CYP2R1: variants seen among roughly 807,000 people sequenced by gnomAD.
CYP2R1 encodes vitamin D 25-hydroxylase.
A neutral mutation model predicts 45.7 loss-of-function variants in CYP2R1; 40 were observed. That is an observed-to-expected ratio of 0.87 (90% CI 0.68 to 1.14). The LOEUF (loss-of-function observed/expected upper bound fraction) is 1.14. CYP2R1 is among the 50% of genes most tolerant of loss of function. CYP2R1 has a pLI of 0.00. For synonymous variants in CYP2R1, 234 were observed against 219.3 expected, an observed-to-expected ratio of 1.07 and a Z score of -0.59; for missense variants, 605 against 602.6, an observed-to-expected ratio of 1.00 and a Z score of -0.04.
chr11:14,888,405 G>A (rs1349605094), intron 1 of CYP2R1, among the ~76,000 whole-genome samples: 1 of 152,176 alleles, frequency 6.6e-6, no homozygotes, highest in Non-Finnish European at 1.5e-5. Context: ...TGGGCTAAAT[G>A]CTAATAACAG....
chr11:14,880,585 G>A lies in CYP2R1; in HGVS notation c.551C>T (p.Thr184Met), dbSNP rs781970760. The A allele has an allele frequency of 1.6e-5, 26 of 1,612,888 alleles. No individual in the cohort carries two copies. The highest frequency in any genetic ancestry group is 1.1e-4 in the South Asian group (10 of 91,054). ...ATTGGTTATGTTTGAAACAGCATTCGTTATTAACTGTTTAAAGTCAAAAGG... is the reference window on the plus strand; with the variant it reads ...ATTGGTTATGTTTGAAACAGCATTCATTATTAACTGTTTAAAGTCAAAAGG... ...GRPFDFKQLI[T>M]NAVSNITNLI... Residue 184 changes from threonine to methionine, a missense_variant, in exon 3 of 5, where the codon ACG becomes ATG. Transcript: ENST00000334636.
intron 2 of CYP2R1, 75 bp from the exon 3 acceptor site, chr11:14,880,843 T>C: frequency 7.1e-7 from 1 of 1,409,072 alleles, no homozygotes; most frequent in Admixed American, 2.3e-5. Context: ...CAAAATTTTT[T>C]TAATGGATGG....
At position 14,878,285 on chromosome 11, in the gene CYP2R1, CAA is replaced by C. The variant is rs1555010412; in HGVS notation, c.1341_1342del (p.His447GlnfsTer29). The C allele has an allele frequency of 6.2e-7, 1 of 1,612,892 alleles. No homozygotes were observed. Among genetic ancestry groups the C allele is most frequent in the Admixed American group, 1.7e-5 (1 of 59,818 alleles). ...CATCCGAGCCAAGTGTTCTCCAAGA[CAA>C]TGTCTTCTTCCTAAACAGAAAAAGC... On this transcript the variant is annotated frameshift_variant, in exon 5 of 5. Coordinates refer to ENST00000334636, the MANE Select transcript of CYP2R1 (RefSeq NM_024514.5). LOFTEE classifies it high-confidence loss of function.
In CYP2R1 at chr11:14,878,080, G is replaced by T; in HGVS notation, c.*42C>A. ...TTGATTAAACCAAGTTCAGGGATAA[G>T]GCAAATATACATTCTTGTTCCCGAA... On this transcript the variant is annotated 3_prime_UTR_variant, in exon 5 of 5. Coordinates refer to ENST00000334636, the MANE Select transcript of CYP2R1 (RefSeq NM_024514.5). The T allele has an allele frequency of 6.2e-7, 1 of 1,604,402 alleles. No individual in the cohort carries two copies.
intron 3 of CYP2R1, 94 bp from the exon 4 acceptor site, chr11:14,879,537 C>G: frequency 1.0e-6 from 1 of 958,664 alleles, no homozygotes; most frequent in Non-Finnish European, 1.6e-6. Context: ...TAACCTATAA[C>G]AAGCCAATAG....
intron 1 of CYP2R1, 66 bp downstream of exon 1, chr11:14,891,915 G>A: frequency 6.4e-7 from 1 of 1,560,680 alleles, no homozygotes; most frequent in South Asian, 1.2e-5. Flanking sequence ...AGTCCAACCA[G>A]GAAGGCCCTG....
chr11:14,891,906 G>T, intron 1 of CYP2R1, 75 bp downstream of exon 1: 2 of 1,540,582 alleles, frequency 1.3e-6, no homozygotes, highest in Non-Finnish European at 1.8e-6. Context: ...GCGGCCATAA[G>T]TCCAACCAGG....
At chr11:14,882,980 T>C (rs1342145670) in intron 2 of CYP2R1, among the ~76,000 whole-genome samples, 2 of 152,102 alleles carry the variant, frequency 1.3e-5, no homozygotes, top group African/African-American at 4.8e-5. Flanking sequence ...TTACAAGGGA[T>C]GTGAAGGACC....
In CYP2R1 at chr11:14,885,758, A is replaced by T. The variant is rs1555014202; in HGVS notation, c.367+18T>A. 1.2e-6 allele frequency: 2 copies of T among 1,610,412 alleles called. No individual in the cohort carries two copies. Among genetic ancestry groups the T allele is most frequent in the Non-Finnish European group, 8.5e-7 (1 of 1,178,406 alleles). ...AAAATATCTTAGTAAATCACTAAAT[A>T]GGTGCAAATAAACATACCTCCCATT... On this transcript the variant is annotated intron_variant, in intron 2 of 4. Coordinates refer to ENST00000334636, the MANE Select transcript of CYP2R1 (RefSeq NM_024514.5).
intron 3 of CYP2R1, among the ~76,000 whole-genome samples, chr11:14,879,723 C>T (rs956762376): frequency 6.6e-6 from 1 of 152,036 alleles, no homozygotes. Context: ...GAAATATATG[C>T]TATATATCTT....
At chr11:14,878,572 A>G (rs1439838651) in intron 4 of CYP2R1, among the ~76,000 whole-genome samples, 2 of 152,130 alleles carry the variant, frequency 1.3e-5, no homozygotes, top group Non-Finnish European at 2.9e-5. Context: ...AGCCTAAGAT[A>G]TGCCACAAAA....
rs1555010475 is a variant in CYP2R1, at chr11:14,878,321, T to C, written c.1331-24A>G. On this transcript the variant is annotated intron_variant, in intron 4 of 4. Coordinates refer to ENST00000334636, the MANE Select transcript of CYP2R1 (RefSeq NM_024514.5). ...TCCTAAACAGAAAAAGCAGATACAA[T>C]AATTTTTTAAACCCACAATCTTTAC... The C allele has an allele frequency of 1.9e-6, 3 of 1,610,198 alleles. No homozygotes were observed. In the South Asian group the frequency reaches 3.3e-5, roughly 18 times the overall value.
chr11:14,884,357 A>T (rs1848520711), intron 2 of CYP2R1, among the ~76,000 whole-genome samples: 1 of 152,082 alleles, frequency 6.6e-6, no homozygotes, highest in Non-Finnish European at 1.5e-5. Context: ...AGCCATAAAA[A>T]ATAATGAGTT....
Position 14,879,192 on chromosome 11 carries a change from C to T in CYP2R1, c.1252G>A (p.Glu418Lys). 6.2e-7 allele frequency: 1 copy of T among 1,613,300 alleles called. No individual in the cohort carries two copies. Among genetic ancestry groups the T allele is most frequent in the South Asian group, 1.1e-5 (1 of 91,060 alleles). Residue 418 changes from glutamate (E) to lysine (K), a missense_variant, in exon 4 of 5, where the codon GAA becomes AAA. Glu to Lys is a moderately conservative substitution (Grantham distance 56). Transcript: ENST00000334636. ...HFDEKYWRDP[E>K]VFHPERFLDS... ...AGAAATCGCTCAGGATGGAACACTT[C>T]TGGGTCTCTCCAGTACTTTTCATCA...
In CYP2R1 at chr11:14,887,670, C is replaced by T. The variant is rs1486039041; in HGVS notation, c.226-1753G>A. The stretch of plus-strand genomic sequence containing the variant: ...ATGATCTTCAAGTCTCTTTCCCTCA[C>T]CCAAACCAGCCCTACTCATAATTTT... On this transcript the variant is annotated intron_variant, in intron 1 of 4. Transcript: ENST00000334636. 3.0e-6 allele frequency: 3 copies of T among 983,776 alleles called. No individual in the cohort carries two copies. In the African/African-American group the frequency reaches 5.2e-5, roughly 17 times the overall value. The allele number at this position is 983,776 out of a possible 1,614,324, so 60.9% of individuals were successfully genotyped here.
chr11:14,891,006 A>C, intron 1 of CYP2R1: 1 of 985,254 alleles, frequency 1.0e-6, no homozygotes, highest in Non-Finnish European at 1.2e-6. Flanking sequence ...TCATCTGCCA[A>C]CTCCTTAAAA....
chr11:14,892,197 C>T lies in CYP2R1; in HGVS notation c.9G>A (p.Lys3=), dbSNP rs782650289. Residue 3 remains lysine (K), a synonymous_variant, in exon 1 of 5, where the codon AAG becomes AAA. Transcript: ENST00000334636. MW[K]LWRAEEGAAA... Reference sequence around the variant, plus strand: ...CCGCGCCCTCTTCAGCTCTCCAAAGCTTCCACATCGGCCCGAGCTGGAGGT... The same window carrying T: ...CCGCGCCCTCTTCAGCTCTCCAAAGTTTCCACATCGGCCCGAGCTGGAGGT... 3 of 1,610,110 alleles carry T rather than the reference C, an allele frequency of 1.9e-6. No homozygotes were observed. Among genetic ancestry groups the T allele is most frequent in the Non-Finnish European group, 2.5e-6 (3 of 1,179,776 alleles).
intron 2 of CYP2R1, among the ~76,000 whole-genome samples, chr11:14,883,650 A>G (rs1369699958): frequency 8.5e-5 from 13 of 152,152 alleles, no homozygotes; most frequent in Non-Finnish European, 1.5e-4. Context: ...TAAAACACCA[A>G]AAGCAATGGC....
At chr11:14,891,827 G>A (rs1161210727) in intron 1 of CYP2R1, 154 bp downstream of exon 1, 2 of 968,370 alleles carry the variant, frequency 2.1e-6, no homozygotes, top group Non-Finnish European at 2.5e-6. Context: ...CTCCCTTCCA[G>A]ACCCGGGAAG....
Sources: gnomAD v4.1 joint callset for allele counts (sites outside exome capture counted in the v4.1 genomes callset) on GRCh38, gnomAD v4.1.1 for gene constraint, MANE v1.5 for transcripts, NCBI Gene and HGNC (gene_info 2026-07-23, HGNC 2026-07-21) for gene names.